Variants in PLEKHA6 observed in about 807,000 individuals in gnomAD.
The protein encoded by PLEKHA6 is pleckstrin homology domain-containing family A member 6.
Under a neutral mutation model 116.7 loss-of-function variants are expected in PLEKHA6, and 60 were observed. The ratio of observed to expected loss-of-function variants is 0.51; its 90% CI spans 0.42 to 0.64. The LOEUF (loss-of-function observed/expected upper bound fraction) is 0.64. Among genes scored for constraint, PLEKHA6 ranks in the 30% least tolerant of loss-of-function variants. The pLI, the probability that PLEKHA6 is intolerant of heterozygous loss-of-function variation, is 0.00. For missense variants in PLEKHA6, 1,338 were observed against 1,422.7 expected, an observed-to-expected ratio of 0.94 and a Z score of 0.96; for synonymous variants, 489 against 556.1, an observed-to-expected ratio of 0.88 and a Z score of 1.70.
chr1:204,266,036 C>G (rs1389187755), intron 5 of PLEKHA6, among the ~76,000 whole-genome samples: 1 of 152,226 alleles, frequency 6.6e-6, no homozygotes, highest in African/African-American at 2.4e-5. Context: ...AGGCTGGGGA[C>G]TCTGAAAAGC....
In PLEKHA6 at chr1:204,229,097, C is replaced by T. The variant is rs556422455; in HGVS notation, c.2591G>A (p.Arg864His). ...GTCTACCTCATGGATGCTGCGGTGG[C>T]GGCGCACCTAGGGGACAGCAGCATC... is the stretch of plus-strand genomic sequence containing the variant. ...SPRPAYKVVR[R>H]HRSIHEVDIS... Residue 864 changes from arginine (R) to histidine (H), a missense_variant, in exon 19 of 23, where the codon CGC (arginine) becomes CAC (histidine). Physicochemically the swap from Arg to His is conservative, Grantham distance 29. Around this residue, in one of 3 missense-constraint regions of PLEKHA6, gnomAD observed 1,136 missense variants for 1,163.6 expected, o/e 0.98. Transcript: ENST00000272203. 112 of 1,612,608 alleles carry T rather than the reference C, an allele frequency of 6.9e-5. No homozygotes were observed. The East Asian group carries it at 1.6e-3, about 23-fold the overall frequency.
chr1:204,373,579 C>T (rs1025909266), intron 1 of PLEKHA6, among the ~76,000 whole-genome samples: 21 of 152,288 alleles, frequency 1.4e-4, no homozygotes, highest in African/African-American at 4.8e-4. Context: ...CATTTAATTG[C>T]TGAATAGTAT....
intron 13 of PLEKHA6, 114 bp from the exon 14 acceptor site, chr1:204,245,840 C>T: frequency 3.0e-6 from 2 of 660,164 alleles, no homozygotes; most frequent in South Asian, 3.4e-5. Flanking sequence ...GAGGCAGGCA[C>T]CCTGTGTACA....
chr1:204,319,240 A>C (rs979907789), intron 1 of PLEKHA6, among the ~76,000 whole-genome samples: 2 of 152,106 alleles, frequency 1.3e-5, no homozygotes, highest in African/African-American at 4.8e-5. Context: ...ATTTCATAAC[A>C]CTGGGAGCAG....
intron 9 of PLEKHA6, among the ~76,000 whole-genome samples, chr1:204,254,885 A>T (rs1665071360): frequency 6.6e-6 from 1 of 152,184 alleles, no homozygotes; most frequent in Non-Finnish European, 1.5e-5. Flanking sequence ...AATACCCAGC[A>T]TATTGACCCC....
chr1:204,355,737 G>A (rs986810058), intron 1 of PLEKHA6, among the ~76,000 whole-genome samples: 5 of 152,076 alleles, frequency 3.3e-5, no homozygotes, highest in African/African-American at 1.2e-4. Flanking sequence ...ACTATTCCTG[G>A]CCAACTGTGA....
chr1:204,306,743 A>G (rs1428280902), intron 1 of PLEKHA6, among the ~76,000 whole-genome samples: 1 of 152,236 alleles, frequency 6.6e-6, no homozygotes, highest in East Asian at 1.9e-4. Flanking sequence ...TATATTCACT[A>G]TTTGGGTGAC....
At chr1:204,274,377 C>A (rs1004431199) in intron 2 of PLEKHA6, among the ~76,000 whole-genome samples, 2 of 152,158 alleles carry the variant, frequency 1.3e-5, no homozygotes. Context: ...GAGCCAGGAT[C>A]CACAGTGAGA....
At chr1:204,305,828 G>A (rs1671246140) in intron 1 of PLEKHA6, among the ~76,000 whole-genome samples, 1 of 152,142 alleles carries the variant, frequency 6.6e-6, no homozygotes. Flanking sequence ...CTAATAAATG[G>A]CTGTGTGATT....
Position 204,244,880 on chromosome 1 carries a change from T to G in PLEKHA6, c.2156A>C (p.Lys719Thr). 2 of 1,562,890 alleles carry G rather than the reference T, an allele frequency of 1.3e-6. No homozygotes were observed. The highest frequency in any genetic ancestry group is 1.7e-6 in the Non-Finnish European group (2 of 1,152,910). ...TCAACTTACCTCGTTGGAGCCAGGC[T>G]TGGTGGGGGACCCCTGAGAGCCCGA... ...LVSGSQGSPT[K>T]PGSNEPKANY... Residue 719 changes from lysine (K) to threonine (T), a missense_variant, in exon 15 of 23, where the codon AAG (lysine) becomes ACG (threonine). This residue lies in a region of PLEKHA6 where 1,136 missense variants were observed against 1,163.6 expected (regional missense o/e 0.98). Transcript: ENST00000272203.
intron 18 of PLEKHA6, among the ~76,000 whole-genome samples, chr1:204,229,334 G>GT (rs1267970253): frequency 2.0e-5 from 3 of 152,196 alleles, no homozygotes; most frequent in Non-Finnish European, 4.4e-5. Context: ...AGTTCTTGCT[G>GT]TTCCCCATCC....
chr1:204,268,387 T>A, intron 3 of PLEKHA6, 75 bp from the exon 4 acceptor site: 2 of 973,640 alleles, frequency 2.1e-6, no homozygotes, highest in Non-Finnish European at 3.0e-6. Context: ...GAGCCACCCC[T>A]GCTAGAGCTG....
rs1267513607 is a variant in PLEKHA6 at position 204,268,561 on chromosome 1, C to T, written c.103-249G>A. On this transcript the variant is annotated intron_variant, in intron 3 of 22. Transcript: ENST00000272203. ...TAGTTCCAAAAAATAAAATAATAGT[C>T]CTCCCTGTCTCACAGCCTTTTTTTT... Among the ~76,000 whole-genome samples, 3 of 147,968 alleles carry T rather than the reference C, an allele frequency of 2.0e-5. No homozygotes were observed. In the East Asian group the frequency reaches 6.1e-4, roughly 30 times the overall value.
rs760145771 is a variant in PLEKHA6, at chr1:204,259,681, T to C, written c.584A>G (p.His195Arg). ...PPSKHHQQPP[H>R]NSLPKPEPEA... ...TGGCTCAGGCTTAGGGAGGCTGTTG[T>C]GGGGTGGCTGCTGGTGGTGCTTGCT... Residue 195 changes from histidine (H) to arginine (R), a missense_variant, in exon 8 of 23, where the codon CAC becomes CGC. By Grantham distance (29) the His-to-Arg change is conservative (BLOSUM62 0). This residue lies in a region of PLEKHA6 where 1,136 missense variants were observed against 1,163.6 expected (regional missense o/e 0.98). Coordinates refer to ENST00000272203, the MANE Select transcript of PLEKHA6 (RefSeq NM_014935.5). The surrounding 1 kb of genome is among the most constrained non-coding windows in gnomAD (Gnocchi z 4.6). 5.6e-6 allele frequency: 9 copies of C among 1,613,906 alleles called. No homozygotes were observed. Among genetic ancestry groups the C allele is most frequent in the Non-Finnish European group, 7.6e-6 (9 of 1,179,962 alleles).
At position 204,259,962 on chromosome 1, in the gene PLEKHA6, T is replaced by G. The variant is rs918718890; in HGVS notation, c.525-222A>C. Among the ~76,000 whole-genome samples, 3 of 152,126 alleles carry G rather than the reference T, an allele frequency of 2.0e-5. No individual in the cohort carries two copies. Among genetic ancestry groups the G allele is most frequent in the African/African-American group, 7.2e-5 (3 of 41,438 alleles). ...AACCTAATCCGCCCCTGCCCACACC[T>G]GCTGTGTTAACTCTGCCCCCCACGT... On this transcript the variant is annotated intron_variant, in intron 7 of 22. Transcript: ENST00000272203. The surrounding 1 kb of genome is among the most constrained non-coding windows in gnomAD (Gnocchi z 4.6).
At chr1:204,356,000 C>CACACA (rs1013336939) in intron 1 of PLEKHA6, among the ~76,000 whole-genome samples, 27 of 47,734 alleles carry the variant, frequency 5.7e-4, no homozygotes, top group Middle Eastern at 0.011. Flanking sequence ...CACACACACA[C>CACACA]AAAAAAAATC....
At chr1:204,246,438 T>TGTC (rs1663696790) in intron 13 of PLEKHA6, among the ~76,000 whole-genome samples, 1 of 152,182 alleles carries the variant, frequency 6.6e-6, no homozygotes, top group Non-Finnish European at 1.5e-5. Context: ...CCTACTAAAA[T>TGTC]GTCTGTGTTT....
intron 1 of PLEKHA6, among the ~76,000 whole-genome samples, chr1:204,333,105 C>T (rs543231069): frequency 4.6e-5 from 7 of 152,202 alleles, no homozygotes; most frequent in East Asian, 1.9e-4. Context: ...CCCCAGGCCT[C>T]GGGCACCCTG....
At chr1:204,340,928 A>T (rs1240782042) in intron 1 of PLEKHA6, among the ~76,000 whole-genome samples, 1 of 152,216 alleles carries the variant, frequency 6.6e-6, no homozygotes, top group Non-Finnish European at 1.5e-5. Context: ...GTCAGAGATG[A>T]TTCTTTTGTC....
Sources: allele counts gnomAD v4.1 joint callset (sites outside exome capture counted in the v4.1 genomes callset), GRCh38; gene constraint gnomAD v4.1.1; regional missense constraint gnomAD v4.1.1; non-coding constraint Gnocchi (gnomAD v3.1); transcripts MANE v1.5; gene names NCBI Gene and HGNC (gene_info 2026-07-23, HGNC 2026-07-21).